DCT: variants seen among roughly 807,000 people sequenced by gnomAD.
DCT encodes the protein dopachrome tautomerase, also known as L-dopachrome tautomerase.
DCT carries 47 observed loss-of-function variants against 53.0 expected under a neutral mutation model. That is an observed-to-expected ratio of 0.89 (90% CI 0.70 to 1.13). DCT has a LOEUF of 1.13. DCT is among the 50% of genes most tolerant of loss of function. The pLI, the probability that DCT is intolerant of heterozygous loss-of-function variation, is 0.00. For missense variants in DCT, 669 were observed against 637.4 expected (o/e 1.05, Z -0.53); for synonymous variants, 244 against 237.0 (o/e 1.03, Z -0.27).
chr13:94,466,592 C>CA lies in DCT; in HGVS notation c.661_662insT (p.Arg221LeufsTer18). The CA allele has an allele frequency of 6.2e-7, 1 of 1,611,732 alleles. No individual in the cohort carries two copies. Among genetic ancestry groups the CA allele is most frequent in the South Asian group, 1.1e-5 (1 of 90,706 alleles). On this transcript the variant is annotated frameshift_variant, in exon 3 of 8. Transcript: ENST00000377028. LOFTEE classifies it high-confidence loss of function. ...TCTTTCCAGACACAACAAATGGTAC[C>CA]GGTGCCAGGTAACAAATGCAGGTCC...
At chr13:94,450,377 C>T (rs1233831807) in intron 6 of DCT, among the ~76,000 whole-genome samples, 1 of 152,128 alleles carries the variant, frequency 6.6e-6, no homozygotes, top group East Asian at 1.9e-4. Context: ...AAGGATGGTG[C>T]TATAATTTTC....
At chr13:94,469,217 T>C (rs1884455440) in intron 1 of DCT, among the ~76,000 whole-genome samples, 172 bp from the exon 2 acceptor site, 1 of 152,150 alleles carries the variant, frequency 6.6e-6, no homozygotes, top group Non-Finnish European at 1.5e-5. Context: ...TATCTCCAAG[T>C]GGACTAAGCA....
the DCT span, among the ~76,000 whole-genome samples, chr13:94,504,575 G>T: frequency 6.6e-6 from 1 of 152,006 alleles, no homozygotes; most frequent in Non-Finnish European, 1.5e-5. Flanking sequence ...CATCTTGTTG[G>T]CCAGGCTGGT....
chr13:94,477,603 A>G (rs1374340948), intron 1 of DCT, among the ~76,000 whole-genome samples: 2 of 152,090 alleles, frequency 1.3e-5, no homozygotes, highest in African/African-American at 4.8e-5. Context: ...CAATATATCT[A>G]TGTCACAAAC....
rs1882000670 is a variant in DCT at position 94,437,890 on chromosome 13, G to A, written c.*2008C>T. 1 of 152,044 alleles carries A rather than the reference G, an allele frequency of 6.6e-6. No individual in the cohort carries two copies. Among genetic ancestry groups the A allele is most frequent in the Non-Finnish European group, 1.5e-5 (1 of 67,996 alleles). The allele number at this position is 152,044 out of a possible 1,614,324, so 9.4% of individuals were successfully genotyped here. ...GTCACCCACACTACAGATAAAAGCA[G>A]CTAAGTATAATCGATTACTATTTTT... is the stretch of plus-strand genomic sequence containing the variant. On this transcript the variant is annotated 3_prime_UTR_variant, in exon 8 of 8. Transcript: ENST00000377028.
the DCT span, among the ~76,000 whole-genome samples, chr13:94,533,371 T>G: frequency 2.7e-5 from 4 of 150,888 alleles, no homozygotes; most frequent in African/African-American, 9.8e-5. Context: ...TTTTACAAAC[T>G]TAAGTGCACT....
rs1429700257 is a variant in DCT at position 94,468,909 on chromosome 13, G to A, written c.432C>T (p.Ala144=). 3 of 1,614,020 alleles carry A rather than the reference G, an allele frequency of 1.9e-6. No individual in the cohort carries two copies. In the African/African-American group the frequency reaches 4.0e-5, roughly 22 times the overall value. ...SPQEREQFLG[A]LDLAKKRVHP... is the part of the protein sequence containing the mutation. ...GTACTCTCTTCTTCGCGAGATCTAA[G>A]GCGCCCAAGAACTGCTCTCTTTCCT... The change falls in exon 2 of 8, where the codon GCC becomes GCT. Residue 144 remains alanine, a synonymous_variant. Coordinates refer to ENST00000377028, the MANE Select transcript of DCT (RefSeq NM_001922.5).
chr13:94,454,703 T>C (rs1284540434), intron 6 of DCT, among the ~76,000 whole-genome samples: 1 of 152,224 alleles, frequency 6.6e-6, no homozygotes, highest in Admixed American at 6.5e-5. Context: ...TTTGCATGAA[T>C]TGCCTCATGA....
the DCT span, among the ~76,000 whole-genome samples, chr13:94,495,175 CA>C: frequency 6.6e-6 from 1 of 151,690 alleles, no homozygotes; most frequent in Non-Finnish European, 1.5e-5. Context: ...TGGCTCACTA[CA>C]ACCTCTGCCT....
At chr13:94,530,893 A>G in the DCT span, among the ~76,000 whole-genome samples, 4 of 152,220 alleles carry the variant, frequency 2.6e-5, no homozygotes, top group Non-Finnish European at 5.9e-5. Context: ...AGAAAACCCC[A>G]CCATCTCAGC....
chr13:94,466,526 T>C (rs1021371243), intron 3 of DCT, 32 bp downstream of exon 3: 18 of 1,453,422 alleles, frequency 1.2e-5, no homozygotes, highest in Non-Finnish European at 1.7e-5. Context: ...TTTTAAAAAA[T>C]TAAAAGAACT....
intron 6 of DCT, 49 bp downstream of exon 6, chr13:94,460,042 T>C: frequency 6.4e-7 from 1 of 1,566,944 alleles, no homozygotes; most frequent in Non-Finnish European, 8.8e-7. Context: ...AAAATAAATC[T>C]GACATATTAT....
intron 1 of DCT, among the ~76,000 whole-genome samples, chr13:94,469,601 G>T (rs1328515161): frequency 6.6e-6 from 1 of 152,130 alleles, no homozygotes; most frequent in Non-Finnish European, 1.5e-5. Flanking sequence ...TGTTTAAGCT[G>T]CCTAGTCTGT....
chr13:94,534,890 C>T, the DCT span, among the ~76,000 whole-genome samples: 1 of 152,212 alleles, frequency 6.6e-6, no homozygotes, highest in African/African-American at 2.4e-5. Flanking sequence ...CCATCTTTCC[C>T]CAATGCCATC....
chr13:94,441,920 T>C (rs116578769), intron 7 of DCT, among the ~76,000 whole-genome samples: 79 of 152,316 alleles, frequency 5.2e-4, no homozygotes, highest in African/African-American at 1.8e-3. Context: ...GGAATCCCCA[T>C]ACTGTTTTCC....
At chr13:94,490,901 T>C in the DCT span, among the ~76,000 whole-genome samples, 1 of 152,214 alleles carries the variant, frequency 6.6e-6, no homozygotes, top group Admixed American at 6.5e-5. Context: ...ACAAGATCTA[T>C]TGAATTCAGG....
chr13:94,477,797 T>TA (rs1411995083), intron 1 of DCT, among the ~76,000 whole-genome samples: 1 of 152,184 alleles, frequency 6.6e-6, no homozygotes, highest in African/African-American at 2.4e-5. Flanking sequence ...AGAAGAGAAG[T>TA]AAAAAGTATT....
At chr13:94,480,801 G>A (rs1885409961), upstream of DCT, among the ~76,000 whole-genome samples, 1 of 152,194 alleles carries the variant, frequency 6.6e-6, no homozygotes, top group South Asian at 2.1e-4. Context: ...CACTGAATCA[G>A]AATACAGCAG....
At chr13:94,535,932 T>C in the DCT span, among the ~76,000 whole-genome samples, 4 of 152,174 alleles carry the variant, frequency 2.6e-5, 1 homozygote, top group Admixed American at 2.0e-4. Flanking sequence ...CTGCCACCCG[T>C]AGAGGCTCTA....
Sources: gnomAD v4.1 joint callset for allele counts (sites outside exome capture counted in the v4.1 genomes callset) on GRCh38, gnomAD v4.1.1 for gene constraint, MANE v1.5 for transcripts, NCBI Gene and HGNC (gene_info 2026-07-23, HGNC 2026-07-21) for gene names.